The following CHODL variants were observed in gnomAD, a reference collection of about 807,000 sequenced individuals.
The protein encoded by CHODL is transmembrane protein MT75.
In CHODL, 29 loss-of-function variants were observed where a neutral mutation model predicts 34.5. That is an observed-to-expected ratio of 0.84 (90% CI 0.63 to 1.15). CHODL has a LOEUF of 1.15. CHODL is among the 50% of genes most tolerant of loss of function. CHODL has a pLI of 0.00. For synonymous variants in CHODL, 125 were observed against 116.1 expected (o/e 1.08, Z -0.49); for missense variants, 332 against 332.5 (o/e 1.00, Z 0.01).
chr21:18,226,128 A>AGGTAGC (rs2073929123), intron 2 of CHODL, among the ~76,000 whole-genome samples: 1 of 152,136 alleles, frequency 6.6e-6, no homozygotes, highest in African/African-American at 2.4e-5. Flanking sequence ...AGCTCTTGTT[A>AGGTAGC]CAATAGCTGT....
chr21:18,105,249 G>A (rs2065259397), intron 2 of CHODL, among the ~76,000 whole-genome samples: 1 of 152,168 alleles, frequency 6.6e-6, no homozygotes, highest in African/African-American at 2.4e-5. Flanking sequence ...TGCAAGAGTA[G>A]GGGGTGAGGC....
chr21:18,258,422 C>T (rs1395425048), intron 3 of CHODL, among the ~76,000 whole-genome samples: 4 of 151,960 alleles, frequency 2.6e-5, no homozygotes, highest in East Asian at 3.9e-4. Flanking sequence ...ATTACATTAT[C>T]GCCTTCTCCT....
intron 2 of CHODL, among the ~76,000 whole-genome samples, chr21:18,101,865 T>C (rs187853420): frequency 1.3e-5 from 2 of 152,280 alleles, no homozygotes; most frequent in African/African-American, 4.8e-5. Context: ...CCATATTTGC[T>C]TGGTCATGGC....
At chr21:18,068,675 G>GT (rs918705457) in intron 2 of CHODL, among the ~76,000 whole-genome samples, 52 of 151,894 alleles carry the variant, frequency 3.4e-4, no homozygotes, top group African/African-American at 1.3e-3. Flanking sequence ...TCTGTGCATT[G>GT]TTGAAAATTT....
At chr21:18,031,362 C>G (rs2064245787) in intron 2 of CHODL, among the ~76,000 whole-genome samples, 1 of 151,998 alleles carries the variant, frequency 6.6e-6, no homozygotes, top group Non-Finnish European at 1.5e-5. Flanking sequence ...TGATTGGAAC[C>G]TATATTTAAC....
intron 1 of CHODL, among the ~76,000 whole-genome samples, chr21:17,976,853 A>G (rs1208691265): frequency 3.9e-5 from 6 of 152,202 alleles, no homozygotes. Context: ...CATGTGAGTC[A>G]TTGGTAAGCA....
intron 1 of CHODL, among the ~76,000 whole-genome samples, chr21:17,982,432 A>C (rs2063721164): frequency 6.6e-6 from 1 of 152,172 alleles, no homozygotes. Context: ...TGCTTTGGGC[A>C]CGAACAATAT....
intron 1 of CHODL, among the ~76,000 whole-genome samples, chr21:17,994,126 T>TA (rs1336169564): frequency 2.9e-5 from 4 of 137,914 alleles, no homozygotes; most frequent in African/African-American, 8.3e-5. Flanking sequence ...TGATCTTTAC[T>TA]ATTTGTTTTC....
At chr21:17,954,472 T>A (rs995689171) in intron 1 of CHODL, among the ~76,000 whole-genome samples, 3 of 140,282 alleles carry the variant, frequency 2.1e-5, no homozygotes, top group Non-Finnish European at 4.8e-5. Flanking sequence ...GTAAAGAAGG[T>A]TGTCCTCTCC....
At chr21:18,124,134 C>T (rs540103156) in intron 2 of CHODL, among the ~76,000 whole-genome samples, 1 of 152,190 alleles carries the variant, frequency 6.6e-6, no homozygotes, top group South Asian at 2.1e-4. Context: ...GCTGTTCACT[C>T]TATTCATGAA....
intron 1 of CHODL, among the ~76,000 whole-genome samples, chr21:17,919,482 G>A (rs919719394): frequency 1.3e-5 from 2 of 152,158 alleles, no homozygotes; most frequent in African/African-American, 2.4e-5. Flanking sequence ...TTTTAGTCAT[G>A]GCTGGAGCAG....
chr21:18,145,085 A>G (rs1176441564), intron 2 of CHODL, among the ~76,000 whole-genome samples: 1 of 150,144 alleles, frequency 6.7e-6, no homozygotes, highest in Non-Finnish European at 1.5e-5. Context: ...TACATTGTGT[A>G]GTAAACAAGA....
At chr21:18,252,908 C>A (rs7279148) in intron 1 of CHODL, among the ~76,000 whole-genome samples, 40,887 of 151,936 alleles carry the variant, frequency 0.27, 6,842 homozygotes, top group Middle Eastern at 0.39. Context: ...TTATCCACAA[C>A]CAGAGACACA....
At chr21:18,028,363 A>G (rs1167411697) in intron 2 of CHODL, among the ~76,000 whole-genome samples, 1 of 129,882 alleles carries the variant, frequency 7.7e-6, no homozygotes, top group Non-Finnish European at 1.6e-5. Context: ...TGTGTAACTT[A>G]TTATCTATTT....
intron 2 of CHODL, among the ~76,000 whole-genome samples, chr21:18,171,968 G>A (rs1568922093): frequency 2.0e-5 from 3 of 152,224 alleles, no homozygotes; most frequent in South Asian, 4.1e-4. Flanking sequence ...TTACAACTGT[G>A]CCTTAATCTT....
intron 2 of CHODL, among the ~76,000 whole-genome samples, chr21:18,232,947 A>T (rs1248274765): frequency 1.7e-4 from 23 of 132,504 alleles, no homozygotes; most frequent in African/African-American, 6.6e-4. Context: ...GTTATGATAT[A>T]TATATATATA....
intron 2 of CHODL, among the ~76,000 whole-genome samples, chr21:18,032,200 G>T (rs1457923213): frequency 6.6e-6 from 1 of 152,018 alleles, no homozygotes; most frequent in Non-Finnish European, 1.5e-5. Context: ...AAAATTGCTA[G>T]GAGAGTAGAT....
intron 1 of CHODL, among the ~76,000 whole-genome samples, chr21:17,947,532 A>AACACACACACACAC (rs1003512511): frequency 5.6e-5 from 6 of 106,738 alleles, no homozygotes; most frequent in African/African-American, 2.1e-4. Context: ...CCTAATAAGA[A>AACACACACACACAC]ACACACACAC....
At chr21:17,982,326 C>A (rs2063720224) in intron 1 of CHODL, among the ~76,000 whole-genome samples, 2 of 152,098 alleles carry the variant, frequency 1.3e-5, no homozygotes. Flanking sequence ...TTGGGTCCTG[C>A]AGGTGTTTAC....
Sources: allele counts gnomAD v4.1 joint callset (sites outside exome capture counted in the v4.1 genomes callset), GRCh38; gene constraint gnomAD v4.1.1; transcripts MANE v1.5; gene names NCBI Gene and HGNC (gene_info 2026-07-23, HGNC 2026-07-21).